Variants in OR4D10 observed in about 807,000 individuals in gnomAD.
OR4D10 encodes the protein olfactory receptor family 4 subfamily D member 10.
For missense variants in OR4D10, 395 were observed against 378.0 expected (o/e 1.04, Z -0.37); for synonymous variants, 188 against 153.2 (o/e 1.23, Z -1.68).
In OR4D10 at chr11:59,477,739, T is replaced by G; in HGVS notation, c.310T>G (p.Phe104Val). 3 of 1,614,208 alleles carry G rather than the reference T, an allele frequency of 1.9e-6. No homozygotes were observed. The highest frequency in any genetic ancestry group is 1.7e-6 in the Non-Finnish European group (2 of 1,180,020). The change falls in exon 3 of 3, where the codon TTC becomes GTC. Residue 104 changes from phenylalanine to valine, a missense_variant. Physicochemically the swap from Phe to Val is conservative, Grantham distance 50 (BLOSUM62 -1). Transcript: ENST00000530162. ...FNHCFTQMFL[F>V]HLIGGVDVFS... is the part of the protein sequence containing the mutation. ...TCATTGCTTCACTCAGATGTTTCTA[T>G]TCCACCTTATTGGAGGGGTGGATGT...
In OR4D10 at chr11:59,478,592, T is replaced by A. The variant is rs1014386642; in HGVS notation, c.*227T>A. 1.3e-5 allele frequency: 5 copies of A among 379,140 alleles called. No homozygotes were observed. Among genetic ancestry groups the A allele is most frequent in the African/African-American group, 6.2e-5 (3 of 48,062 alleles). The allele number at this position is 379,140 out of a possible 1,614,324, so 23.5% of individuals were successfully genotyped here. ...TCCCTCCTCTTTACCACCAAGATTT[T>A]GTTTCATGATTTTTCTTCCATGGAC... On this transcript the variant is annotated 3_prime_UTR_variant, in exon 3 of 3. Coordinates refer to ENST00000530162, the MANE Select transcript of OR4D10 (RefSeq NM_001004705.2).
intron 2 of OR4D10, among the ~76,000 whole-genome samples, chr11:59,475,079 A>G (rs1206599972): frequency 6.9e-6 from 1 of 144,020 alleles, no homozygotes; most frequent in African/African-American, 2.6e-5. Flanking sequence ...AAAAAAAAGG[A>G]AAAAGAAAAA....
chr11:59,475,780 T>A (rs1858899721), intron 2 of OR4D10, among the ~76,000 whole-genome samples: 1 of 152,214 alleles, frequency 6.6e-6, no homozygotes, highest in Non-Finnish European at 1.5e-5. Flanking sequence ...TCCATTTTAA[T>A]GACATCAATT....
intron 2 of OR4D10, among the ~76,000 whole-genome samples, chr11:59,474,669 A>G (rs371336483): frequency 1.8e-4 from 27 of 152,230 alleles, no homozygotes; most frequent in African/African-American, 4.8e-4. Flanking sequence ...TCTCACCCCA[A>G]CACTCAAGCA....
In OR4D10 at chr11:59,477,524, T is replaced by A; in HGVS notation, c.95T>A (p.Leu32His). Residue 32 changes from leucine (L) to histidine (H), a missense_variant, in exon 3 of 3, where the codon CTC becomes CAC. Leu to His is a moderately conservative substitution (Grantham distance 99). Coordinates refer to ENST00000530162, the MANE Select transcript of OR4D10 (RefSeq NM_001004705.2). ...EVSLVLFLFLLLVYVTTLLGN... is the reference protein window; with the variant it reads ...EVSLVLFLFLHLVYVTTLLGN... ...AGCTTAGTCTTATTTCTTTTCCTACTCTTGGTGTATGTGACAACTTTGCTG... is the reference window on the plus strand; with the variant it reads ...AGCTTAGTCTTATTTCTTTTCCTACACTTGGTGTATGTGACAACTTTGCTG... 1.2e-6 allele frequency: 2 copies of A among 1,614,048 alleles called. No homozygotes were observed. Among genetic ancestry groups the A allele is most frequent in the Non-Finnish European group, 1.7e-6 (2 of 1,179,938 alleles).
chr11:59,476,375 C>T (rs1858908598), intron 2 of OR4D10, among the ~76,000 whole-genome samples: 2 of 152,046 alleles, frequency 1.3e-5, no homozygotes, highest in South Asian at 2.1e-4. Flanking sequence ...TCTATACCCT[C>T]ACTCAGTCTA....
chr11:59,478,152 C>T lies in OR4D10; in HGVS notation c.723C>T (p.Thr241=), dbSNP rs371172122. Residue 241 remains threonine (T), a synonymous_variant, in exon 3 of 3, where the codon ACC becomes ACT. Coordinates refer to ENST00000530162, the MANE Select transcript of OR4D10 (RefSeq NM_001004705.2). ...GGAGGAAAGCCATCTCCACCTGCAC[C>T]TCCCACATCACTGTGGTGACCCTGC... is the stretch of plus-strand genomic sequence containing the variant. The part of the protein sequence containing the change: ...EGRRKAISTC[T]SHITVVTLHF... The T allele has an allele frequency of 7.1e-5, 114 of 1,614,134 alleles. 1 individual carries two copies. The African/African-American group carries it at 1.4e-3, about 20-fold the overall frequency.
rs1212315608 is a variant in OR4D10, at chr11:59,478,911, C to G, written c.*546C>G. 6.6e-6 allele frequency: 1 copy of G among 152,456 alleles called. No individual in the cohort carries two copies. Among genetic ancestry groups the G allele is most frequent in the African/African-American group, 2.4e-5 (1 of 41,442 alleles). The allele number at this position is 152,456 out of a possible 1,614,324, so 9.4% of individuals were successfully genotyped here. A position where few individuals can be genotyped will look rare whatever the true frequency, so the allele number is the denominator to read the frequency against. On this transcript the variant is annotated 3_prime_UTR_variant, in exon 3 of 3. Transcript: ENST00000530162. The stretch of plus-strand genomic sequence containing the variant: ...GCACGCAGACATTATCATTACCTTT[C>G]TGCTCCTATTACAGTAAATGAAGGT...
At chr11:59,477,127 A>T in intron 2 of OR4D10, 135 bp from the exon 3 acceptor site, 2 of 250,358 alleles carry the variant, frequency 8.0e-6, no homozygotes, top group Non-Finnish European at 1.5e-5. Context: ...TACCAAAAAC[A>T]TCAAATTAAA....
chr11:59,478,373 A>T lies in OR4D10; in HGVS notation c.*8A>T. The stretch of plus-strand genomic sequence containing the variant: ...CCTTCTGATAGAAAATAGAAAAAAA[A>T]ATCCTCAGCTCTTCATCACCAAAGA... On this transcript the variant is annotated 3_prime_UTR_variant, in exon 3 of 3. Coordinates refer to ENST00000530162, the MANE Select transcript of OR4D10 (RefSeq NM_001004705.2). 1.9e-6 allele frequency: 3 copies of T among 1,543,562 alleles called. No homozygotes were observed. In the Middle Eastern group the frequency reaches 5.2e-4, roughly 267 times the overall value.
intron 2 of OR4D10, among the ~76,000 whole-genome samples, chr11:59,474,207 A>G (rs1858874601): frequency 6.6e-6 from 1 of 152,230 alleles, no homozygotes; most frequent in Non-Finnish European, 1.5e-5. Context: ...TCAAGTTTTT[A>G]TACCACTTCA....
chr11:59,473,926 C>G (rs1858871174), intron 2 of OR4D10, 133 bp downstream of exon 2: 1 of 152,164 alleles, frequency 6.6e-6, no homozygotes, highest in African/African-American at 2.4e-5. Flanking sequence ...GCCACCTCAG[C>G]CTAAGGTCAA....
At position 59,477,927 on chromosome 11, in the gene OR4D10, C is replaced by G. The variant is rs1245507601; in HGVS notation, c.498C>G (p.Leu166=). 6.2e-7 allele frequency: 1 copy of G among 1,614,166 alleles called. No homozygotes were observed. Among genetic ancestry groups the G allele is most frequent in the Admixed American group, 1.7e-5 (1 of 60,026 alleles). The change falls in exon 3 of 3, where the codon CTC becomes CTG. Residue 166 remains leucine, a synonymous_variant. Coordinates refer to ENST00000530162, the MANE Select transcript of OR4D10 (RefSeq NM_001004705.2). ...TGCAGATTTCCCTGTTGCTCCCACT[C>G]CCTTTCTGCGGACCCAATGTTCTTG... The part of the protein sequence containing the change: ...SIVQISLLLP[L]PFCGPNVLDT...
Position 59,477,503 on chromosome 11 carries a change from T to G in OR4D10, c.74T>G (p.Leu25Ter). 1.2e-6 allele frequency: 2 copies of G among 1,613,496 alleles called. No homozygotes were observed. The highest frequency in any genetic ancestry group is 1.1e-5 in the South Asian group (1 of 90,900). The change falls in exon 3 of 3, where the codon TTA becomes TGA. Residue 25 changes from leucine (L) to a stop codon, truncating the protein, a stop_gained. Transcript: ENST00000530162. LOFTEE classifies it low-confidence loss of function (END_TRUNC). ...CTGACCCAGAATCGGGAAGTGAGCT[T>G]AGTCTTATTTCTTTTCCTACTCTTG... ...LGLTQNREVS[L>*]VLFLFLLLVY...
intron 2 of OR4D10, among the ~76,000 whole-genome samples, chr11:59,474,816 G>C (rs1228960572): frequency 6.6e-6 from 1 of 152,004 alleles, no homozygotes; most frequent in Non-Finnish European, 1.5e-5. Context: ...CAGCACTTTG[G>C]GAGGCCGAGG....
rs556173099 is a variant in OR4D10, at chr11:59,477,827, C to T, written c.398C>T (p.Ala133Val). 34 of 1,614,096 alleles carry T rather than the reference C, an allele frequency of 2.1e-5. 1 individual carries two copies. Among genetic ancestry groups the T allele is most frequent in the South Asian group, 9.9e-5 (9 of 91,068 alleles). Residue 133 changes from alanine to valine, a missense_variant, in exon 3 of 3, where the codon GCG (alanine) becomes GTG (valine). By Grantham distance (64) the Ala-to-Val change is moderately conservative. Coordinates refer to ENST00000530162, the MANE Select transcript of OR4D10 (RefSeq NM_001004705.2). ...GCCATCTCCAAGCCCCTGCACTATG[C>T]GACTATCATGAGTAGAGACCATTGC... ...YVAISKPLHY[A>V]TIMSRDHCIG... is the part of the protein sequence containing the mutation.
At position 59,473,538 on chromosome 11, in the gene OR4D10, C is replaced by T. The variant is rs1026604665; in HGVS notation, c.-327C>T. ...ATATTTAGCATAGCAAAGGGCTTAA[C>T]TTTTAAACAAGATTTTCAAGAATTA... On this transcript the variant is annotated 5_prime_UTR_variant, in exon 1 of 3. Coordinates refer to ENST00000530162, the MANE Select transcript of OR4D10 (RefSeq NM_001004705.2). 1.3e-5 allele frequency: 2 copies of T among 152,202 alleles called. No homozygotes were observed. Among genetic ancestry groups the T allele is most frequent in the African/African-American group, 4.8e-5 (2 of 41,456 alleles). 9.4% of individuals were successfully genotyped at this position (152,202 alleles called of 1,614,324 possible).
rs750573669 is a variant in OR4D10, at chr11:59,478,044, G to T, written c.615G>T (p.Leu205=). ...LELLMISNNG[L]LTTLWFFLLL... is the part of the protein sequence containing the mutation. The stretch of plus-strand genomic sequence containing the variant: ...TACTAATGATTTCCAACAATGGACT[G>T]CTCACCACACTGTGGTTTTTCCTGC... Residue 205 remains leucine, a synonymous_variant, in exon 3 of 3, where the codon CTG becomes CTT. Transcript: ENST00000530162. 6.8e-6 allele frequency: 11 copies of T among 1,614,036 alleles called. No individual in the cohort carries two copies. The highest frequency in any genetic ancestry group is 6.7e-5 in the East Asian group (3 of 44,886).
Position 59,478,328 on chromosome 11 carries a change from G to T in OR4D10, c.899G>T (p.Arg300Ile), listed in dbSNP as rs373793945. 4 of 1,609,926 alleles carry T rather than the reference G, an allele frequency of 2.5e-6. No homozygotes were observed. The South Asian group carries it at 4.4e-5, about 18-fold the overall frequency. The change falls in exon 3 of 3, where the codon AGA (arginine) becomes ATA (isoleucine). Residue 300 changes from arginine (R) to isoleucine (I), a missense_variant. By Grantham distance (97) the Arg-to-Ile change is moderately conservative. Coordinates refer to ENST00000530162, the MANE Select transcript of OR4D10 (RefSeq NM_001004705.2). The stretch of plus-strand genomic sequence containing the variant: ...CATGAGATGAAGTCAGCCATGAGGA[G>T]ACTGAAGAGAAGACTTGTGCCTTCT... ...RNHEMKSAMR[R>I]LKRRLVPSDR...
Sources: gnomAD v4.1 joint callset for allele counts (sites outside exome capture counted in the v4.1 genomes callset) on GRCh38, gnomAD v4.1.1 for gene constraint, MANE v1.5 for transcripts, NCBI Gene and HGNC (gene_info 2026-07-23, HGNC 2026-07-21) for gene names.